The following MEGF9 variants were observed in gnomAD, a reference collection of about 807,000 sequenced individuals.
MEGF9 encodes the protein multiple EGF like domains 9.
In MEGF9, 6 loss-of-function variants were observed where a neutral mutation model predicts 46.8. That is an observed-to-expected ratio of 0.13 (90% CI 0.07 to 0.25). The LOEUF is 0.25. Among genes scored for constraint, MEGF9 ranks in the 10% least tolerant of loss-of-function variants. The pLI, the probability that MEGF9 is intolerant of heterozygous loss-of-function variation, is 1.00. For synonymous variants in MEGF9, 302 were observed against 330.7 expected, an observed-to-expected ratio of 0.91 and a Z score of 0.94; for missense variants, 683 against 792.4, an observed-to-expected ratio of 0.86 and a Z score of 1.66.
intron 1 of MEGF9, among the ~76,000 whole-genome samples, chr9:120,680,095 T>C (rs2043791621): frequency 6.6e-6 from 1 of 152,262 alleles, no homozygotes; most frequent in African/African-American, 2.4e-5. Context: ...TGAATTTGAG[T>C]TTCCTCAAAA....
intron 1 of MEGF9, among the ~76,000 whole-genome samples, chr9:120,705,171 A>G (rs1247981563): frequency 6.6e-6 from 1 of 152,146 alleles, no homozygotes; most frequent in Non-Finnish European, 1.5e-5. Flanking sequence ...TGTATAAAGG[A>G]TGACATTTTC....
rs958714659 is a variant in MEGF9, at chr9:120,607,769, G to A, written c.1329C>T (p.His443=). ...TCTTGATGCAATTTCCCTCGAGGTC[G>A]TGAACATAACCTTCTAGGCAGTTCT... ...WCENCLEGYV[H]DLEGNCIKKE... The change falls in exon 5 of 6, where the codon CAC becomes CAT. Residue 443 remains histidine (H), a synonymous_variant. Transcript: ENST00000373930. The A allele has an allele frequency of 2.6e-5, 42 of 1,612,008 alleles. No homozygotes were observed. The highest frequency in any genetic ancestry group is 3.4e-5 in the Non-Finnish European group (40 of 1,178,324).
chr9:120,684,010 C>T (rs2043810455), intron 1 of MEGF9, among the ~76,000 whole-genome samples: 1 of 152,060 alleles, frequency 6.6e-6, no homozygotes, highest in Non-Finnish European at 1.5e-5. Context: ...ATAGTTACAA[C>T]CTTTACCATA....
chr9:120,630,707 G>A (rs2043546680), intron 2 of MEGF9, among the ~76,000 whole-genome samples: 1 of 152,138 alleles, frequency 6.6e-6, no homozygotes, highest in African/African-American at 2.4e-5. Context: ...ACATTCTAAT[G>A]GGGGTGAGAT....
intron 1 of MEGF9, among the ~76,000 whole-genome samples, chr9:120,675,303 C>G (rs188357502): frequency 3.3e-4 from 50 of 152,274 alleles, no homozygotes; most frequent in African/African-American, 1.2e-3. Flanking sequence ...TGGACCTAGT[C>G]TGGCTAGGTG....
intron 3 of MEGF9, among the ~76,000 whole-genome samples, chr9:120,618,282 T>C (rs2043481034): frequency 6.6e-6 from 1 of 152,080 alleles, no homozygotes; most frequent in African/African-American, 2.4e-5. Context: ...CTGAGGAAGA[T>C]GTAGTAGAAC....
chr9:120,659,331 T>C, intron 2 of MEGF9, 43 bp downstream of exon 2: 1 of 1,564,430 alleles, frequency 6.4e-7, no homozygotes, highest in African/African-American at 1.4e-5. Context: ...TTTTTCCCCT[T>C]GCTAAAATAA....
intron 2 of MEGF9, among the ~76,000 whole-genome samples, chr9:120,636,890 A>G (rs2043579389): frequency 6.6e-6 from 1 of 151,302 alleles, no homozygotes; most frequent in Admixed American, 6.6e-5. Flanking sequence ...CACGTCTGGG[A>G]AGTGAGGAGC....
chr9:120,649,044 T>G (rs931954057), intron 2 of MEGF9, among the ~76,000 whole-genome samples: 2 of 152,216 alleles, frequency 1.3e-5, no homozygotes, highest in Non-Finnish European at 1.5e-5. Context: ...GGCACAGTAT[T>G]TGCATATGCA....
At chr9:120,710,810 T>A (rs1204885903) in intron 1 of MEGF9, among the ~76,000 whole-genome samples, 8 of 152,222 alleles carry the variant, frequency 5.3e-5, no homozygotes, top group Admixed American at 4.6e-4. Flanking sequence ...CAAAGAGATA[T>A]GTTTTCTGTT....
intron 2 of MEGF9, among the ~76,000 whole-genome samples, chr9:120,644,088 A>C (rs1017695032): frequency 6.6e-6 from 1 of 152,166 alleles, no homozygotes; most frequent in Non-Finnish European, 1.5e-5. Flanking sequence ...AATACTATTA[A>C]CTACTCAGAT....
intron 4 of MEGF9, among the ~76,000 whole-genome samples, chr9:120,609,276 C>G (rs1234457066): frequency 7.0e-6 from 1 of 143,202 alleles, no homozygotes; most frequent in Non-Finnish European, 1.5e-5. Flanking sequence ...GTACATACTA[C>G]TTTCTCTGCA....
chr9:120,610,860 A>G (rs918739868), intron 4 of MEGF9, among the ~76,000 whole-genome samples: 1 of 152,182 alleles, frequency 6.6e-6, no homozygotes, highest in African/African-American at 2.4e-5. Flanking sequence ...TATAAATCAT[A>G]TATCTGTTAA....
chr9:120,645,904 A>C (rs1160812668), intron 2 of MEGF9, among the ~76,000 whole-genome samples: 1 of 152,160 alleles, frequency 6.6e-6, no homozygotes, highest in Non-Finnish European at 1.5e-5. Flanking sequence ...ATCCCATGGG[A>C]TACAGTGGGT....
chr9:120,615,327 A>G (rs924338744), intron 3 of MEGF9, among the ~76,000 whole-genome samples: 2 of 149,630 alleles, frequency 1.3e-5, no homozygotes, highest in Non-Finnish European at 3.0e-5. Flanking sequence ...ACACACACAC[A>G]CTTGTAATCC....
intron 3 of MEGF9, among the ~76,000 whole-genome samples, chr9:120,621,958 T>C (rs2043501473): frequency 6.6e-6 from 1 of 152,184 alleles, no homozygotes; most frequent in Non-Finnish European, 1.5e-5. Flanking sequence ...TATTGGCCTT[T>C]GGTAATTTGA....
chr9:120,674,561 C>G (rs1421028744), intron 1 of MEGF9, among the ~76,000 whole-genome samples: 1 of 151,868 alleles, frequency 6.6e-6, no homozygotes, highest in Non-Finnish European at 1.5e-5. Context: ...CAGTTTCTTT[C>G]TTTCTTCTCT....
At chr9:120,623,894 T>C (rs1450811824) in intron 2 of MEGF9, among the ~76,000 whole-genome samples, 1 of 152,204 alleles carries the variant, frequency 6.6e-6, no homozygotes, top group African/African-American at 2.4e-5. Context: ...AATCAAAATA[T>C]GCTTACTCCT....
intron 1 of MEGF9, among the ~76,000 whole-genome samples, chr9:120,691,229 T>C (rs1262593889): frequency 6.6e-6 from 1 of 152,022 alleles, no homozygotes; most frequent in African/African-American, 2.4e-5. Context: ...ATCAATCAAG[T>C]CTCTAGATTT....
Sources: gnomAD v4.1 joint callset for allele counts (sites outside exome capture counted in the v4.1 genomes callset) on GRCh38, gnomAD v4.1.1 for gene constraint, MANE v1.5 for transcripts, NCBI Gene and HGNC (gene_info 2026-07-23, HGNC 2026-07-21) for gene names.